KIFC2: variants seen among roughly 807,000 people sequenced by gnomAD.
KIFC2 encodes kinesin-like protein KIFC2.
In KIFC2, 94 loss-of-function variants were observed where a neutral mutation model predicts 91.5. The ratio of observed to expected loss-of-function variants is 1.03; its 90% CI spans 0.87 to 1.22. The LOEUF is 1.22. Ranked by LOEUF, KIFC2 falls within the 50% of genes most tolerant of loss-of-function variation. The pLI is 0.00. For missense variants in KIFC2, 1,357 were observed against 1,103.3 expected (o/e 1.23, Z -3.26); for synonymous variants, 729 against 503.9 (o/e 1.45, Z -5.98).
At chr8:144,469,856 T>C (rs926379752) in intron 12 of KIFC2, among the ~76,000 whole-genome samples, 2 of 152,228 alleles carry the variant, frequency 1.3e-5, no homozygotes, top group African/African-American at 4.8e-5. Context: ...CTTCACTGCC[T>C]GCCCACTCCC....
In KIFC2 at chr8:144,472,303, A is replaced by G. The variant is rs527743014; in HGVS notation, c.1607+44A>G. ...GAGGCCTTCTCCCCACCCCTGGCCC[A>G]GGGCCCTTCCGGATTTCCAGAGAAT... On this transcript the variant is annotated intron_variant, in intron 14 of 17. Coordinates refer to ENST00000645548, the MANE Select transcript of KIFC2 (RefSeq NM_001369769.2). 4 of 1,613,302 alleles carry G rather than the reference A, an allele frequency of 2.5e-6. No individual in the cohort carries two copies. The East Asian group carries it at 8.9e-5, about 36-fold the overall frequency.
chr8:144,472,928 G>A lies in KIFC2; in HGVS notation c.1995G>A (p.Ala665=), dbSNP rs375417366. Residue 665 remains alanine, a synonymous_variant, in exon 17 of 18, where the codon GCG becomes GCA. Coordinates refer to ENST00000645548, the MANE Select transcript of KIFC2 (RefSeq NM_001369769.2). The part of the protein sequence containing the change: ...EAQTINRSLL[A]LGGVMAALRA... ...AGACCATAAACCGCTCGCTGCTGGC[G>A]CTAGGAGGCGTGATGGCCGCACTGC... The A allele has an allele frequency of 2.9e-4, 425 of 1,488,406 alleles. 7 individuals are homozygous for A. In the South Asian group the frequency reaches 4.8e-3, roughly 17 times the overall value. 92.2% of individuals were successfully genotyped at this position (1,488,406 alleles called of 1,614,324 possible). A position where few individuals can be genotyped will look rare whatever the true frequency, so the allele number is the denominator to read the frequency against.
Position 144,466,767 on chromosome 8 carries a change from G to A in KIFC2, c.107G>A (p.Arg36His), listed in dbSNP as rs1326866002. Residue 36 changes from arginine (R) to histidine (H), a missense_variant, in exon 2 of 18, where the codon CGC becomes CAC. Coordinates refer to ENST00000645548, the MANE Select transcript of KIFC2 (RefSeq NM_001369769.2). Reference protein sequence around the residue: ...AEPGDPAQRARKPRGRRRPDL... With the variant: ...AEPGDPAQRAHKPRGRRRPDL... ...CCCCTGCCCCCTCCCTAGAGAGCCCGCAAGCCCCGGGGTCGCCGGCGCCCA... is the reference window on the plus strand; with the variant it reads ...CCCCTGCCCCCTCCCTAGAGAGCCCACAAGCCCCGGGGTCGCCGGCGCCCA... 6.5e-6 allele frequency: 10 copies of A among 1,530,838 alleles called. No individual in the cohort carries two copies. In the African/African-American group the frequency reaches 6.9e-5, roughly 11 times the overall value. 94.8% of individuals were successfully genotyped at this position (1,530,838 alleles called of 1,614,324 possible). A position where few individuals can be genotyped will look rare whatever the true frequency, so the allele number is the denominator to read the frequency against.
intron 17 of KIFC2, 36 bp from the exon 18 acceptor site, chr8:144,473,096 C>G: frequency 6.5e-7 from 1 of 1,538,130 alleles, no homozygotes; most frequent in South Asian, 1.2e-5. Context: ...GGTCGCCGCC[C>G]ACCCGGGCCC....
intron 5 of KIFC2, 31 bp from the exon 6 acceptor site, chr8:144,467,683 G>A (rs1379035487): frequency 6.2e-7 from 1 of 1,611,454 alleles, no homozygotes; most frequent in Non-Finnish European, 8.5e-7. Flanking sequence ...AGAAAAAGGA[G>A]GTCCACCCTG....
At position 144,468,632 on chromosome 8, in the gene KIFC2, A is replaced by G. The variant is rs753599950; in HGVS notation, c.985A>G (p.Met329Val). The change falls in exon 9 of 18, where the codon ATG becomes GTG. Residue 329 changes from methionine to valine, a missense_variant. By Grantham distance (21) the Met-to-Val change is conservative (BLOSUM62 1). Transcript: ENST00000645548. ...GAACTGCAGGCGTGAGCTACAGCAG[A>G]TGCATGGGCAGCTGGCAGGTAAGGG... ...EQNCRRELQQ[M>V]HGQLAGLRAR... 5 of 1,613,492 alleles carry G rather than the reference A, an allele frequency of 3.1e-6. No homozygotes were observed. The South Asian group carries it at 5.5e-5, about 18-fold the overall frequency.
rs772303286 is a variant in KIFC2 at position 144,469,482 on chromosome 8, C to T, written c.1223-8C>T. 2.5e-6 allele frequency: 4 copies of T among 1,614,000 alleles called. No homozygotes were observed. Among genetic ancestry groups the T allele is most frequent in the South Asian group, 2.2e-5 (2 of 91,090 alleles). ...CGAGGCATTATGCTGACCTGATCCC[C>T]ACTGCAGGAAATATCCGTGTGCTGT... On this transcript the variant is annotated splice_region_variant and splice_polypyrimidine_tract_variant and intron_variant, in intron 11 of 17. Transcript: ENST00000645548.
intron 3 of KIFC2, 25 bp from the exon 4 acceptor site, chr8:144,467,178 G>A (rs1389963531): frequency 6.2e-7 from 1 of 1,613,342 alleles, no homozygotes; most frequent in Admixed American, 1.7e-5. Flanking sequence ...TCACAGCCCT[G>A]CTCGGATTCT....
intron 2 of KIFC2, 40 bp from the exon 3 acceptor site, chr8:144,466,919 G>A: frequency 6.4e-7 from 1 of 1,572,812 alleles, no homozygotes; most frequent in South Asian, 1.1e-5. Flanking sequence ...GCTCAAGCAC[G>A]TGACCCGAAA....
In KIFC2 at chr8:144,472,774, CG is replaced by C. The variant is rs771452512; in HGVS notation, c.1862-18del. ...CCCGAGGCCCGGCCTTCCCCCATGT[CG>C]GGCTCGCTCGCCCCTCTAGGCACGC... is the stretch of plus-strand genomic sequence containing the variant. On this transcript the variant is annotated intron_variant, in intron 16 of 17. Transcript: ENST00000645548. 5.0e-6 allele frequency: 8 copies of C among 1,591,096 alleles called. No homozygotes were observed. The African/African-American group carries it at 9.4e-5, about 19-fold the overall frequency.
At chr8:144,468,230 A>C (rs1437752408) in intron 7 of KIFC2, 99 bp from the exon 8 acceptor site, 1 of 1,185,446 alleles carries the variant, frequency 8.4e-7, no homozygotes, top group African/African-American at 1.5e-5. Context: ...ATGGGTTCAC[A>C]GCCAGCTCTG....
chr8:144,472,073 G>C, intron 13 of KIFC2, 27 bp downstream of exon 13: 1 of 1,613,278 alleles, frequency 6.2e-7, no homozygotes, highest in Middle Eastern at 1.6e-4. Context: ...GCCCCAGTGG[G>C]AGAGGCCCCA....
chr8:144,472,799 G>C lies in KIFC2; in HGVS notation c.1866G>C (p.Thr622=), dbSNP rs754981643. Residue 622 remains threonine, a synonymous_variant, in exon 17 of 18, where the codon ACG becomes ACC. Coordinates refer to ENST00000645548, the MANE Select transcript of KIFC2 (RefSeq NM_001369769.2). ...CGGGCTCGCTCGCCCCTCTAGGCAC[G>C]CTGCACCTGGTGGACCTGGCGGGAT... The part of the protein sequence containing the change: ...SPPRAPGTAG[T]LHLVDLAGSE... 3.8e-6 allele frequency: 6 copies of C among 1,589,474 alleles called. No homozygotes were observed. Among genetic ancestry groups the C allele is most frequent in the Non-Finnish European group, 5.1e-6 (6 of 1,176,266 alleles).
chr8:144,473,325 C>T lies in KIFC2; in HGVS notation c.2312C>T (p.Pro771Leu), dbSNP rs747998600. 7.5e-6 allele frequency: 12 copies of T among 1,601,106 alleles called. No individual in the cohort carries two copies. In the African/African-American group the frequency reaches 1.3e-4, roughly 18 times the overall value. The change falls in exon 18 of 18, where the codon CCA (proline) becomes CTA (leucine). Residue 771 changes from proline to leucine, a missense_variant. By Grantham distance (98) the Pro-to-Leu change is moderately conservative. Transcript: ENST00000645548. The stretch of plus-strand genomic sequence containing the variant: ...CCTACGCCGTCCCCTGGCAGTCCTC[C>T]ATGCCCCAGTCCCGACAACGGCTCG... The part of the protein sequence containing the change: ...CTPTPSPGSP[P>L]CPSPDNGSGS...
intron 10 of KIFC2, 133 bp from the exon 11 acceptor site, chr8:144,469,138 C>A: frequency 2.7e-6 from 2 of 741,074 alleles, no homozygotes; most frequent in South Asian, 1.6e-5. Flanking sequence ...GGGCCCAGAG[C>A]CACTGAAAGT....
In KIFC2 at chr8:144,466,525, G is replaced by T. The variant is rs1824643851; in HGVS notation, c.99+7G>T. 8.1e-7 allele frequency: 1 copy of T among 1,233,942 alleles called. No individual in the cohort carries two copies. Among genetic ancestry groups the T allele is most frequent in the Non-Finnish European group, 1.0e-6 (1 of 978,390 alleles). 76.4% of individuals were successfully genotyped at this position (1,233,942 alleles called of 1,614,324 possible). A position where few individuals can be genotyped will look rare whatever the true frequency, so the allele number is the denominator to read the frequency against. ...GCCCGGGGACCCCGCCCAGGTGAGCGGGGCTGGCCGTGCAGCCCGTCGTCT... is the reference window on the plus strand; with the variant it reads ...GCCCGGGGACCCCGCCCAGGTGAGCTGGGCTGGCCGTGCAGCCCGTCGTCT... On this transcript the variant is annotated splice_region_variant and intron_variant, in intron 1 of 17. Coordinates refer to ENST00000645548, the MANE Select transcript of KIFC2 (RefSeq NM_001369769.2).
chr8:144,468,495 G>T lies in KIFC2; in HGVS notation c.889-41G>T, dbSNP rs1564747796. The T allele has an allele frequency of 2.0e-6, 3 of 1,466,144 alleles. No homozygotes were observed. The South Asian group carries it at 3.6e-5, about 17-fold the overall frequency. 90.8% of individuals were successfully genotyped at this position (1,466,144 alleles called of 1,614,324 possible). On this transcript the variant is annotated intron_variant, in intron 8 of 17. Transcript: ENST00000645548. ...TTATCTGAGGCAGGGCCTGGTAAGT[G>T]CCTGTTTCCTCAGTGACAGGGGTGG...
intron 1 of KIFC2, 79 bp downstream of exon 1, chr8:144,466,597 G>A: frequency 2.2e-6 from 2 of 896,678 alleles, no homozygotes; most frequent in Non-Finnish European, 2.9e-6. Flanking sequence ...GGGCGGGGGC[G>A]GGCACGGGGC....
At chr8:144,467,430 C>T (rs1416173906) in intron 4 of KIFC2, 55 bp from the exon 5 acceptor site, 11 of 1,538,562 alleles carry the variant, frequency 7.1e-6, no homozygotes, top group South Asian at 6.4e-5. Context: ...GGTCATGTTC[C>T]GGAAGATTTG....
Sources: allele counts gnomAD v4.1 joint callset (sites outside exome capture counted in the v4.1 genomes callset), GRCh38; gene constraint gnomAD v4.1.1; transcripts MANE v1.5; gene names NCBI Gene and HGNC (gene_info 2026-07-23, HGNC 2026-07-21).